XRRA1: variants seen among roughly 807,000 people sequenced by gnomAD.
XRRA1 encodes X-ray radiation resistance associated 1.
Under a neutral mutation model 80.2 loss-of-function variants are expected in XRRA1, and 69 were observed. The ratio of observed to expected loss-of-function variants is 0.86; its 90% CI spans 0.71 to 1.05. The LOEUF is 1.05. XRRA1 is among the 50% of genes least tolerant of loss of function. XRRA1 has a pLI of 0.00. For missense variants in XRRA1, 967 were observed against 976.4 expected, an observed-to-expected ratio of 0.99 and a Z score of 0.13; for synonymous variants, 348 against 389.9, an observed-to-expected ratio of 0.89 and a Z score of 1.27.
At chr11:74,947,358 T>A (rs949524934) in intron 1 of XRRA1, among the ~76,000 whole-genome samples, 1 of 151,924 alleles carries the variant, frequency 6.6e-6, no homozygotes, top group African/African-American at 2.4e-5. Flanking sequence ...AAATCCTGTC[T>A]CTACTAAAAA....
At position 74,893,696 on chromosome 11, in the gene XRRA1, TATC is replaced by T. The variant is rs140273589; in HGVS notation, c.1003+12540_1003+12542del. Reference sequence around the variant, plus strand: ...AATCAAAACCATAATGAGATATTAATATCATGTACGCCAGTCAGAATTACTATT... The same window carrying T: ...AATCAAAACCATAATGAGATATTAATATGTACGCCAGTCAGAATTACTATT... On this transcript the variant is annotated intron_variant, in intron 10 of 18. Transcript: ENST00000684022. Among the ~76,000 whole-genome samples, 1,331 of 152,046 alleles carry T rather than the reference TATC, an allele frequency of 8.8e-3. 28 individuals carry two copies. The highest frequency in any genetic ancestry group is 0.031 in the African/African-American group (1,270 of 41,474).
At chr11:74,929,296 C>G (rs923159752) in intron 6 of XRRA1, among the ~76,000 whole-genome samples, 1 of 151,984 alleles carries the variant, frequency 6.6e-6, no homozygotes, top group Non-Finnish European at 1.5e-5. Context: ...CTGTCTGTCT[C>G]TCTCTCTCTC....
intron 5 of XRRA1, among the ~76,000 whole-genome samples, chr11:74,932,061 ATTTT>A (rs1943710200): frequency 1.3e-5 from 2 of 151,802 alleles, no homozygotes; most frequent in Non-Finnish European, 2.9e-5. Context: ...TCTGTTGTCT[ATTTT>A]TCTACTGGGT....
chr11:74,843,821 T>C, intron 18 of XRRA1, 33 bp downstream of exon 18: 1 of 1,571,748 alleles, frequency 6.4e-7, no homozygotes, highest in South Asian at 1.2e-5. Context: ...GTGAACTGGA[T>C]CTGGGATCCT....
At chr11:74,909,940 CG>C (rs2055481222) in intron 8 of XRRA1, 1 of 152,950 alleles carries the variant, frequency 6.5e-6, no homozygotes, top group Non-Finnish European at 1.5e-5. Context: ...GCTCTGGCTC[CG>C]GTGCTGCTGC....
chr11:74,876,780 A>G (rs1002786864), intron 10 of XRRA1: 1 of 152,230 alleles, frequency 6.6e-6, no homozygotes, highest in East Asian at 1.9e-4. Flanking sequence ...ATCATAAAAG[A>G]TAAGTAAATG....
chr11:74,946,885 G>A (rs1458061866), intron 1 of XRRA1, among the ~76,000 whole-genome samples: 1 of 152,044 alleles, frequency 6.6e-6, no homozygotes. Context: ...CCTAGAAGCT[G>A]GGACTACAGG....
intron 10 of XRRA1, among the ~76,000 whole-genome samples, chr11:74,887,180 A>T (rs919937224): frequency 5.9e-5 from 9 of 152,260 alleles, no homozygotes; most frequent in African/African-American, 2.2e-4. Context: ...CATGACAAAG[A>T]TGCCTAAAGC....
Position 74,845,081 on chromosome 11 carries a change from T to C in XRRA1, c.1919A>G (p.Glu640Gly). The C allele has an allele frequency of 6.2e-7, 1 of 1,613,492 alleles. No homozygotes were observed. The highest frequency in any genetic ancestry group is 2.2e-5 in the East Asian group (1 of 44,878). Reference protein sequence around the residue: ...LTAKPDPAFIEPKGIQKNAQA... With the variant: ...LTAKPDPAFIGPKGIQKNAQA... ...GATATGCCCTCACATACCCTTTGGC[T>C]CAATGAAGGCTGGATCAGGCTTGGC... The change falls in exon 16 of 19, where the codon GAG becomes GGG. Residue 640 changes from glutamate (E) to glycine (G), a missense_variant. Glu to Gly is a moderately conservative substitution (Grantham distance 98). Coordinates refer to ENST00000684022, the MANE Select transcript of XRRA1 (RefSeq NM_001378157.1).
chr11:74,893,274 G>C (rs1224553751), intron 10 of XRRA1, among the ~76,000 whole-genome samples: 2 of 152,126 alleles, frequency 1.3e-5, no homozygotes, highest in Admixed American at 6.6e-5. Context: ...TATGAAGCTG[G>C]AAATCATCAT....
intron 10 of XRRA1, among the ~76,000 whole-genome samples, chr11:74,887,432 CAT>C (rs2049312360): frequency 6.6e-6 from 1 of 151,670 alleles, no homozygotes; most frequent in African/African-American, 2.4e-5. Context: ...CAAAAGAAGA[CAT>C]AGTGGGGTGG....
chr11:74,862,894 C>T, intron 11 of XRRA1, 87 bp downstream of exon 11: 1 of 1,223,774 alleles, frequency 8.2e-7, no homozygotes, highest in Non-Finnish European at 1.1e-6. Context: ...AGAAATGACT[C>T]TCATGGCTCC....
chr11:74,929,129 T>C (rs1942932761), intron 6 of XRRA1, among the ~76,000 whole-genome samples: 1 of 152,178 alleles, frequency 6.6e-6, no homozygotes, highest in Non-Finnish European at 1.5e-5. Flanking sequence ...ATCTTCAAAC[T>C]CAATGCAACA....
intron 8 of XRRA1, among the ~76,000 whole-genome samples, chr11:74,908,176 T>C (rs1469571489): frequency 6.6e-6 from 1 of 152,270 alleles, no homozygotes; most frequent in Non-Finnish European, 1.5e-5. Flanking sequence ...CTTTAGCACC[T>C]AATGCATTTC....
intron 7 of XRRA1, among the ~76,000 whole-genome samples, chr11:74,926,319 A>G (rs1942222711): frequency 6.6e-6 from 1 of 152,230 alleles, no homozygotes; most frequent in Non-Finnish European, 1.5e-5. Context: ...TCACTCTTGT[A>G]GAAGGTCCCC....
In XRRA1 at chr11:74,869,924, G is replaced by C. The variant is rs1397137236; in HGVS notation, c.1004-6903C>G. 3.3e-5 allele frequency among the ~76,000 whole-genome samples: 5 copies of C among 152,246 alleles called. No homozygotes were observed. The East Asian group carries it at 9.7e-4, about 29-fold the overall frequency. Reference sequence around the variant, plus strand: ...TCACTCTTTGTGTGCCCAGGTCCTTGATTTCCTCAGCCATGAGACAACAAA... The same window carrying C: ...TCACTCTTTGTGTGCCCAGGTCCTTCATTTCCTCAGCCATGAGACAACAAA... On this transcript the variant is annotated intron_variant, in intron 10 of 18. Transcript: ENST00000684022.
At chr11:74,891,157 A>C (rs1158532157) in intron 10 of XRRA1, among the ~76,000 whole-genome samples, 1 of 152,196 alleles carries the variant, frequency 6.6e-6, no homozygotes, top group Non-Finnish European at 1.5e-5. Context: ...ATCCTCAATA[A>C]AATACTGGCA....
intron 10 of XRRA1, among the ~76,000 whole-genome samples, chr11:74,884,801 G>C (rs1485013868): frequency 6.6e-6 from 1 of 152,130 alleles, no homozygotes; most frequent in African/African-American, 2.4e-5. Context: ...GAAATTTATA[G>C]CATTAAATAC....
Position 74,845,184 on chromosome 11 carries a change from C to T in XRRA1, c.1816G>A (p.Glu606Lys). The change falls in exon 16 of 19, where the codon GAG becomes AAG. Residue 606 changes from glutamate (E) to lysine (K), a missense_variant. Glu to Lys is a moderately conservative substitution (Grantham distance 56). Transcript: ENST00000684022. The part of the protein sequence containing the change: ...DQKKPPTAPR[E>K]VKGTRRKLPT... Reference sequence around the variant, plus strand: ...AGTTTCCTCCGAGTCCCTTTCACCTCTCTGGGTGCCGTTGGTGGTTTCTTT... The same window carrying T: ...AGTTTCCTCCGAGTCCCTTTCACCTTTCTGGGTGCCGTTGGTGGTTTCTTT... 6.2e-7 allele frequency: 1 copy of T among 1,614,078 alleles called. No individual in the cohort carries two copies. Among genetic ancestry groups the T allele is most frequent in the Non-Finnish European group, 8.5e-7 (1 of 1,179,908 alleles).
Sources: allele counts gnomAD v4.1 joint callset (sites outside exome capture counted in the v4.1 genomes callset), GRCh38; gene constraint gnomAD v4.1.1; transcripts MANE v1.5; gene names NCBI Gene and HGNC (gene_info 2026-07-23, HGNC 2026-07-21).